Variants in NXNL2 observed in about 807,000 individuals in gnomAD.
NXNL2 encodes nucleoredoxin like 2, also known as nucleoredoxin-like protein 2.
NXNL2 carries 7 observed loss-of-function variants against 11.1 expected under a neutral mutation model. The observed-to-expected ratio is 0.63, with a 90% CI of 0.36 to 1.18. NXNL2 has a LOEUF of 1.18. Among genes scored for constraint, NXNL2 ranks in the 50% most tolerant of loss-of-function variants. The pLI is 0.02. For missense variants in NXNL2, 233 were observed against 217.7 expected, an observed-to-expected ratio of 1.07 and a Z score of -0.44; for synonymous variants, 109 against 101.8, an observed-to-expected ratio of 1.07 and a Z score of -0.42.
In NXNL2 at chr9:88,559,049, C is replaced by A. The variant is rs1055833332; in HGVS notation, c.303-12038C>A. Among the ~76,000 whole-genome samples the A allele has an allele frequency of 2.0e-5, 3 of 152,170 alleles. No homozygotes were observed. In the East Asian group the frequency reaches 5.8e-4, roughly 29 times the overall value. ...TGTCTCTGCATGCAACTGATACCCT[C>A]TGTGTTTCCCAAGAGACACAGACAA... On this transcript the variant is annotated intron_variant, in intron 1 of 2. Transcript: ENST00000375855.
intron 1 of NXNL2, among the ~76,000 whole-genome samples, chr9:88,539,279 C>A (rs539827688): frequency 6.6e-6 from 1 of 152,194 alleles, no homozygotes; most frequent in African/African-American, 2.4e-5. Flanking sequence ...AAGGCTGGTG[C>A]ATGGACCCAT....
At chr9:88,539,233 C>T (rs1373710636) in intron 1 of NXNL2, among the ~76,000 whole-genome samples, 1 of 152,158 alleles carries the variant, frequency 6.6e-6, no homozygotes, top group African/African-American at 2.4e-5. Context: ...TGTTGCTGCT[C>T]CTGGGACCCC....
intron 1 of NXNL2, among the ~76,000 whole-genome samples, chr9:88,537,552 CTGT>C (rs1829653842): frequency 6.6e-6 from 1 of 152,204 alleles, no homozygotes; most frequent in Non-Finnish European, 1.5e-5. Flanking sequence ...TTCCTTAACT[CTGT>C]TGTTGTCATG....
chr9:88,578,419 C>G (rs1830371295), downstream of NXNL2, among the ~76,000 whole-genome samples: 1 of 152,230 alleles, frequency 6.6e-6, no homozygotes, highest in Admixed American at 6.5e-5. Context: ...TGCAGAAAAA[C>G]AGGTATCTAC....
intron 1 of NXNL2, among the ~76,000 whole-genome samples, chr9:88,563,602 C>T (rs1830118704): frequency 1.3e-5 from 2 of 152,336 alleles, no homozygotes; most frequent in South Asian, 4.1e-4. Context: ...AATGAGCCTT[C>T]TGAGGTTTAA....
intron 1 of NXNL2, among the ~76,000 whole-genome samples, chr9:88,559,942 G>A (rs1044548705): frequency 6.6e-6 from 1 of 152,180 alleles, no homozygotes; most frequent in Non-Finnish European, 1.5e-5. Context: ...GGATGTGAGT[G>A]TCTGGAGGGT....
chr9:88,563,685 G>C (rs1387625131), intron 1 of NXNL2, among the ~76,000 whole-genome samples: 1 of 152,088 alleles, frequency 6.6e-6, no homozygotes, highest in East Asian at 1.9e-4. Context: ...CCACCCTGCT[G>C]CTCCCCTATT....
At chr9:88,540,019 T>C (rs1728084415) in intron 1 of NXNL2, among the ~76,000 whole-genome samples, 1 of 151,944 alleles carries the variant, frequency 6.6e-6, no homozygotes, top group Admixed American at 6.5e-5. Context: ...GAAAGCTAAT[T>C]GCTTAGGCAT....
downstream of NXNL2, among the ~76,000 whole-genome samples, chr9:88,546,775 C>G (rs1249679666): frequency 6.6e-6 from 1 of 152,094 alleles, no homozygotes; most frequent in Non-Finnish European, 1.5e-5. Flanking sequence ...GCAAAGTATT[C>G]CAGCCTTCTT....
chr9:88,549,891 G>A (rs778120570), downstream of NXNL2, among the ~76,000 whole-genome samples: 7 of 151,990 alleles, frequency 4.6e-5, no homozygotes, highest in Non-Finnish European at 8.8e-5. Flanking sequence ...GAGTATAGTG[G>A]TGCTATCACT....
At chr9:88,552,283 C>T (rs1169573781) in intron 1 of NXNL2, among the ~76,000 whole-genome samples, 2 of 151,980 alleles carry the variant, frequency 1.3e-5, no homozygotes. Flanking sequence ...AATCCCTTTG[C>T]TGTCATTTCA....
At chr9:88,576,181 C>T (rs1279518948), downstream of NXNL2, among the ~76,000 whole-genome samples, 9 of 152,152 alleles carry the variant, frequency 5.9e-5, no homozygotes, top group African/African-American at 1.9e-4. Flanking sequence ...GGCGATGGAG[C>T]GAGACTCCGT....
downstream of NXNL2, among the ~76,000 whole-genome samples, chr9:88,546,715 G>A (rs977422890): frequency 4.6e-5 from 7 of 151,538 alleles, no homozygotes; most frequent in Non-Finnish European, 8.9e-5. Context: ...ACGCTTGGCC[G>A]ACACATACTT....
chr9:88,569,646 T>A (rs1830229301), intron 1 of NXNL2, among the ~76,000 whole-genome samples: 1 of 152,214 alleles, frequency 6.6e-6, no homozygotes, highest in African/African-American at 2.4e-5. Context: ...TGTTATTAAG[T>A]GTTTTAAAAT....
downstream of NXNL2, among the ~76,000 whole-genome samples, chr9:88,576,375 C>T (rs1830349111): frequency 6.6e-6 from 1 of 152,240 alleles, no homozygotes; most frequent in South Asian, 2.1e-4. Flanking sequence ...GTTGGGGACT[C>T]ACACTTATGT....
At chr9:88,536,849 G>A (rs909258164) in intron 1 of NXNL2, among the ~76,000 whole-genome samples, 1 of 152,166 alleles carries the variant, frequency 6.6e-6, no homozygotes, top group Non-Finnish European at 1.5e-5. Flanking sequence ...CACTCACACC[G>A]GGACTCTGAA....
intron 2 of NXNL2, among the ~76,000 whole-genome samples, chr9:88,571,910 C>T (rs1830272149): frequency 6.6e-6 from 1 of 152,152 alleles, no homozygotes; most frequent in African/African-American, 2.4e-5. Context: ...GAAACATTTT[C>T]ACCATCAGAG....
At chr9:88,580,490 C>G (rs562796714), downstream of NXNL2, among the ~76,000 whole-genome samples, 1 of 152,200 alleles carries the variant, frequency 6.6e-6, no homozygotes, top group South Asian at 2.1e-4. Context: ...TAGATGTCAG[C>G]CAACAGTGGT....
intron 2 of NXNL2, among the ~76,000 whole-genome samples, chr9:88,571,461 A>T (rs1226197592): frequency 6.6e-6 from 1 of 152,232 alleles, no homozygotes; most frequent in Non-Finnish European, 1.5e-5. Context: ...AGGCCTGTAC[A>T]TGGGAAAATC....
Sources: allele counts gnomAD v4.1 joint callset (sites outside exome capture counted in the v4.1 genomes callset), GRCh38; gene constraint gnomAD v4.1.1; transcripts MANE v1.5; gene names NCBI Gene and HGNC (gene_info 2026-07-23, HGNC 2026-07-21).